CAPN8: variants seen among roughly 807,000 people sequenced by gnomAD.
CAPN8 encodes calpain 8.
A neutral mutation model predicts 80.9 loss-of-function variants in CAPN8; 87 were observed. The ratio of observed to expected loss-of-function variants is 1.07; its 90% CI spans 0.90 to 1.28. CAPN8 has a LOEUF of 1.28. Ranked by LOEUF, CAPN8 falls within the 50% of genes most tolerant of loss-of-function variation. The pLI, the probability that CAPN8 is intolerant of heterozygous loss-of-function variation, is 0.00. For missense variants in CAPN8, 757 were observed against 702.0 expected (o/e 1.08, Z -0.89); for synonymous variants, 299 against 273.8 (o/e 1.09, Z -0.91).
intron 7 of CAPN8, among the ~76,000 whole-genome samples, chr1:223,622,455 T>C (rs751197714): frequency 1.3e-5 from 2 of 152,210 alleles, no homozygotes; most frequent in Non-Finnish European, 2.9e-5. Flanking sequence ...CCTTTGTCAG[T>C]GTCCAGTGTT....
intron 2 of CAPN8, chr1:223,642,723 G>GA (rs1023771836): frequency 1.9e-5 from 8 of 431,294 alleles, no homozygotes; most frequent in African/African-American, 8.3e-5. Context: ...AAAAGAAAAA[G>GA]AAAAAAAAGC....
chr1:223,659,940 GTC>G (rs1658600412), intron 1 of CAPN8, among the ~76,000 whole-genome samples: 1 of 152,210 alleles, frequency 6.6e-6, no homozygotes, highest in South Asian at 2.1e-4. Flanking sequence ...TTGTCCGTAT[GTC>G]TCTCCCTGAT....
chr1:223,549,296 T>C, intron 16 of CAPN8, 22 bp downstream of exon 16: 1 of 1,528,382 alleles, frequency 6.5e-7, no homozygotes, highest in South Asian at 1.2e-5. Flanking sequence ...AAAAAAAAAA[T>C]AATGCAACAT....
At chr1:223,625,510 T>C (rs1657544566) in intron 6 of CAPN8, among the ~76,000 whole-genome samples, 1 of 152,162 alleles carries the variant, frequency 6.6e-6, no homozygotes, top group Non-Finnish European at 1.5e-5. Context: ...TGCCCAGGAA[T>C]GGTCTTGAAC....
chr1:223,558,425 G>A (rs1656953449), intron 12 of CAPN8, among the ~76,000 whole-genome samples: 1 of 152,166 alleles, frequency 6.6e-6, no homozygotes, highest in Non-Finnish European at 1.5e-5. Flanking sequence ...ATTCTAGAAT[G>A]TTCACCCTGA....
At chr1:223,646,349 G>A (rs935632667) in intron 2 of CAPN8, among the ~76,000 whole-genome samples, 1 of 152,246 alleles carries the variant, frequency 6.6e-6, no homozygotes, top group African/African-American at 2.4e-5. Flanking sequence ...GATGGCGGGA[G>A]CCAGCCTACT....
At chr1:223,619,476 C>A in intron 8 of CAPN8, 23 bp from the exon 9 acceptor site, 1 of 1,551,174 alleles carries the variant, frequency 6.4e-7, no homozygotes, top group African/African-American at 1.4e-5. Flanking sequence ...CACCAGAGGG[C>A]TCTCAGTGAA....
chr1:223,550,483 A>G (rs1319111925), intron 15 of CAPN8, among the ~76,000 whole-genome samples: 1 of 152,182 alleles, frequency 6.6e-6, no homozygotes, highest in Non-Finnish European at 1.5e-5. Flanking sequence ...GACAGCTCTG[A>G]GGCTTGCAAA....
intron 6 of CAPN8, among the ~76,000 whole-genome samples, chr1:223,623,296 A>G (rs1186548387): frequency 6.6e-6 from 1 of 152,252 alleles, no homozygotes; most frequent in African/African-American, 2.4e-5. Flanking sequence ...GATGAGGTGT[A>G]GTGCTAAGCA....
chr1:223,550,296 C>T (rs1020001790), intron 15 of CAPN8, among the ~76,000 whole-genome samples: 13 of 152,252 alleles, frequency 8.5e-5, no homozygotes, highest in Non-Finnish European at 1.6e-4. Flanking sequence ...GACTTGGCTC[C>T]TGGGCCAAGC....
intron 1 of CAPN8, among the ~76,000 whole-genome samples, chr1:223,658,619 G>A (rs1016388427): frequency 3.3e-5 from 5 of 152,058 alleles, no homozygotes; most frequent in African/African-American, 4.8e-5. Context: ...CCCAGCCAAC[G>A]TGGTGAAATC....
At chr1:223,661,844 G>A (rs943843477) in intron 1 of CAPN8, among the ~76,000 whole-genome samples, 2 of 152,030 alleles carry the variant, frequency 1.3e-5, no homozygotes, top group Non-Finnish European at 1.5e-5. Context: ...CTGGAAGCAG[G>A]GTCTCAAAGA....
At chr1:223,629,423 GT>G (rs1227068120) in intron 2 of CAPN8, among the ~76,000 whole-genome samples, 1 of 152,158 alleles carries the variant, frequency 6.6e-6, no homozygotes, top group Non-Finnish European at 1.5e-5. Flanking sequence ...GTCAAGAGAG[GT>G]TACAAATCCT....
intron 2 of CAPN8, among the ~76,000 whole-genome samples, chr1:223,629,477 A>G (rs1000406088): frequency 2.0e-5 from 3 of 152,226 alleles, no homozygotes; most frequent in Admixed American, 6.5e-5. Flanking sequence ...GGAAATGCAG[A>G]AGAAAACAGA....
rs1045227642 is a variant in CAPN8, at chr1:223,553,423, G to A, written c.1641+409C>T. The stretch of plus-strand genomic sequence containing the variant: ...GGCTAGTCCTGCACACTAATCCCAA[G>A]CCAGGTTAGCTGAGCTGCCTTCCAC... On this transcript the variant is annotated intron_variant, in intron 14 of 20. Coordinates refer to ENST00000366872, the MANE Select transcript of CAPN8 (RefSeq NM_001143962.2). 4.0e-3 allele frequency among the ~76,000 whole-genome samples: 609 copies of A among 152,326 alleles called. 4 individuals carry two copies. Among genetic ancestry groups the A allele is most frequent in the African/African-American group, 0.014 (563 of 41,572 alleles).
In CAPN8 at chr1:223,549,878, G is replaced by A. The variant is rs79046077; in HGVS notation, c.1700-496C>T. ...CTACTCTTCAAAATCACTCCGTGTGGTAGATGCTATCATTATACCCACTTT... is the reference window on the plus strand; with the variant it reads ...CTACTCTTCAAAATCACTCCGTGTGATAGATGCTATCATTATACCCACTTT... On this transcript the variant is annotated intron_variant, in intron 15 of 20. Coordinates refer to ENST00000366872, the MANE Select transcript of CAPN8 (RefSeq NM_001143962.2). Among the ~76,000 whole-genome samples, 472 of 152,300 alleles carry A rather than the reference G, an allele frequency of 3.1e-3. 1 individual carries two copies. The highest frequency in any genetic ancestry group is 5.2e-3 in the Admixed American group (80 of 15,306).
chr1:223,627,873 G>A (rs34187970), intron 4 of CAPN8, 136 bp downstream of exon 4: 763,535 of 1,000,972 alleles, frequency 0.76, 293,310 homozygotes, highest in African/African-American at 0.93. Flanking sequence ...CTCTCTCTCC[G>A]GCTCATGGGG....
chr1:223,645,060 G>C (rs988739715), intron 2 of CAPN8, among the ~76,000 whole-genome samples: 1 of 152,180 alleles, frequency 6.6e-6, no homozygotes, highest in Non-Finnish European at 1.5e-5. Context: ...AAGCAGGGAA[G>C]CCAACAGCGC....
At chr1:223,609,744 T>C (rs1165667142) in intron 11 of CAPN8, among the ~76,000 whole-genome samples, 1 of 152,202 alleles carries the variant, frequency 6.6e-6, no homozygotes, top group African/African-American at 2.4e-5. Context: ...ATCTTCCCAG[T>C]ACAGGCCCAA....
Sources: gnomAD v4.1 joint callset for allele counts (sites outside exome capture counted in the v4.1 genomes callset) on GRCh38, gnomAD v4.1.1 for gene constraint, MANE v1.5 for transcripts, NCBI Gene and HGNC (gene_info 2026-07-23, HGNC 2026-07-21) for gene names.